Variants in BRIX1 observed in about 807,000 individuals in gnomAD.
BRIX1 encodes the protein ribosome biogenesis protein BRX1 homolog.
Under a neutral mutation model 44.0 loss-of-function variants are expected in BRIX1, and 15 were observed. That is an observed-to-expected ratio of 0.34 (90% CI 0.23 to 0.53). The LOEUF (loss-of-function observed/expected upper bound fraction) is 0.53, where lower values mean the gene tolerates loss of function less well. Among genes scored for constraint, BRIX1 ranks in the 20% least tolerant of loss-of-function variants. The probability of loss-of-function intolerance (pLI) is 0.95; values close to 1 mark genes in which losing one functional copy is unlikely to be tolerated. For missense variants in BRIX1, 420 were observed against 432.8 expected (o/e 0.97, Z 0.26); for synonymous variants, 149 against 135.4 (o/e 1.10, Z -0.70).
At chr5:34,920,706 G>A (rs547824730) in intron 3 of BRIX1, 2 of 152,298 alleles carry the variant, frequency 1.3e-5, no homozygotes, top group South Asian at 4.1e-4. Context: ...GAGCAGAGAC[G>A]TAGTGAAGGA....
In BRIX1 at chr5:34,922,851, T is replaced by A; in HGVS notation, c.510+83T>A. ...AGTAGATATAGTTGTGTTATTCAATTTAGTTTCACCCCCACCTTGGTTTTA... is the reference window on the plus strand; with the variant it reads ...AGTAGATATAGTTGTGTTATTCAATATAGTTTCACCCCCACCTTGGTTTTA... On this transcript the variant is annotated intron_variant, in intron 6 of 9. Coordinates refer to ENST00000336767, the MANE Select transcript of BRIX1 (RefSeq NM_018321.4). 2.9e-6 allele frequency: 4 copies of A among 1,373,992 alleles called. No individual in the cohort carries two copies. In the Admixed American group the frequency reaches 7.2e-5, roughly 25 times the overall value. The allele number at this position is 1,373,992 out of a possible 1,614,324, so 85.1% of individuals were successfully genotyped here. A position where few individuals can be genotyped will look rare whatever the true frequency, so the allele number is the denominator to read the frequency against.
At chr5:34,921,026 A>C (rs1764226314) in intron 3 of BRIX1, 1 of 152,104 alleles carries the variant, frequency 6.6e-6, no homozygotes. Context: ...CAGTATGCCC[A>C]GCTAATTTTT....
chr5:34,922,472 G>A (rs1764262494), intron 4 of BRIX1, 67 bp from the exon 5 acceptor site: 2 of 1,010,896 alleles, frequency 2.0e-6, no homozygotes, highest in East Asian at 2.4e-5. Flanking sequence ...ATTATTTATG[G>A]TGAATAGGTG....
intron 1 of BRIX1, 104 bp downstream of exon 1, chr5:34,916,001 G>A (rs1764071154): frequency 7.5e-7 from 1 of 1,337,008 alleles, no homozygotes; most frequent in Non-Finnish European, 9.9e-7. Context: ...GAGTAGCCCG[G>A]GTGTTAACGG....
Position 34,922,276 on chromosome 5 carries a change from T to A in BRIX1, c.375T>A (p.Asp125Glu). The change falls in exon 4 of 10, where the codon GAT (aspartate) becomes GAA (glutamate). Residue 125 changes from aspartate (D) to glutamate (E), a missense_variant. By Grantham distance (45) the Asp-to-Glu change is conservative (BLOSUM62 2). Transcript: ENST00000336767. The stretch of plus-strand genomic sequence containing the variant: ...ATTTTGAAGCTAAGAAAAAACAGGA[T>A]CTCTATATGTGGTAAGAGAATGTAT... ...CIYFEAKKKQDLYMWLSNSPH... is the reference protein window; with the variant it reads ...CIYFEAKKKQELYMWLSNSPH... 1.9e-6 allele frequency: 3 copies of A among 1,568,500 alleles called. No homozygotes were observed. The highest frequency in any genetic ancestry group is 2.6e-6 in the Non-Finnish European group (3 of 1,143,444).
In BRIX1 at chr5:34,925,348, T is replaced by C; in HGVS notation, c.915T>C (p.Asp305=). Reference sequence around the variant, plus strand: ...TTCTTCCACATGATCCCACTGCAGATGTTTTTGTAACACCAGCTGAGGAGA... The same window carrying C: ...TTCTTCCACATGATCCCACTGCAGACGTTTTTGTAACACCAGCTGAGGAGA... ...KTLLPHDPTA[D]VFVTPAEEKP... Residue 305 remains aspartate, a synonymous_variant, in exon 10 of 10, where the codon GAT becomes GAC. Transcript: ENST00000336767. 6.2e-7 allele frequency: 1 copy of C among 1,614,058 alleles called. No homozygotes were observed. The highest frequency in any genetic ancestry group is 8.5e-7 in the Non-Finnish European group (1 of 1,180,018).
chr5:34,918,282 GCAA>G lies in BRIX1; in HGVS notation c.160-79_160-77del, dbSNP rs1580511202. 2.6e-5 allele frequency: 18 copies of G among 700,532 alleles called. No homozygotes were observed. In the East Asian group the frequency reaches 5.2e-4, roughly 20 times the overall value. 43.4% of individuals were successfully genotyped at this position (700,532 alleles called of 1,614,324 possible). On this transcript the variant is annotated intron_variant, in intron 1 of 9. Transcript: ENST00000336767. ...GTGAGCCGTGAGCACTTCAGCCTGG[GCAA>G]CAGTGTGAGACCCTGTCACAAAACA... is the stretch of plus-strand genomic sequence containing the variant.
chr5:34,915,745 G>A lies in BRIX1; in HGVS notation c.7G>A (p.Ala3Thr). ...GCGCGGGCGGCGAGGCAAGATGGCGGCAACCAAGAGGAAACGGCGTGGAGG... is the reference window on the plus strand; with the variant it reads ...GCGCGGGCGGCGAGGCAAGATGGCGACAACCAAGAGGAAACGGCGTGGAGG... MA[A>T]TKRKRRGGFA... Residue 3 changes from alanine to threonine, a missense_variant, in exon 1 of 10, where the codon GCA becomes ACA. Coordinates refer to ENST00000336767, the MANE Select transcript of BRIX1 (RefSeq NM_018321.4). 3.7e-6 allele frequency: 6 copies of A among 1,600,308 alleles called. No homozygotes were observed. Among genetic ancestry groups the A allele is most frequent in the South Asian group, 2.2e-5 (2 of 89,240 alleles).
chr5:34,916,087 TC>T lies in BRIX1; in HGVS notation c.159+192del. 5.1e-6 allele frequency: 3 copies of T among 590,302 alleles called. No individual in the cohort carries two copies. The South Asian group carries it at 1.1e-4, about 21-fold the overall frequency. The allele number at this position is 590,302 out of a possible 1,614,324, so 36.6% of individuals were successfully genotyped here. On this transcript the variant is annotated intron_variant, in intron 1 of 9. Coordinates refer to ENST00000336767, the MANE Select transcript of BRIX1 (RefSeq NM_018321.4). ...CTAATCCTTGTGCACGTGGCCGTCT[TC>T]CTGGAGGCGGCGGGTTTTAAAACCT... is the stretch of plus-strand genomic sequence containing the variant.
Position 34,921,595 on chromosome 5 carries a change from C to T in BRIX1, c.316-622C>T, listed in dbSNP as rs1383288792. ...TCTATTTTTAGTCTTTGTAGTTTGT[C>T]AATGGGACTATGGGCAGAAGAGGTT... On this transcript the variant is annotated intron_variant, in intron 3 of 9. Coordinates refer to ENST00000336767, the MANE Select transcript of BRIX1 (RefSeq NM_018321.4). 3 of 152,006 alleles carry T rather than the reference C, an allele frequency of 2.0e-5. No homozygotes were observed. In the East Asian group the frequency reaches 5.8e-4, roughly 29 times the overall value. 9.4% of individuals were successfully genotyped at this position (152,006 alleles called of 1,614,324 possible).
At chr5:34,916,270 A>AG (rs1461818161) in intron 1 of BRIX1, 6 of 163,080 alleles carry the variant, frequency 3.7e-5, no homozygotes, top group Non-Finnish European at 8.0e-5. Context: ...GTATGCCCAT[A>AG]TACTGCCATA....
At chr5:34,918,241 G>C in intron 1 of BRIX1, 123 bp from the exon 2 acceptor site, 1 of 529,934 alleles carries the variant, frequency 1.9e-6, no homozygotes, top group Non-Finnish European at 3.4e-6. Flanking sequence ...CTTGAGCCCA[G>C]GAACTTGAAA....
chr5:34,922,233 AC>A lies in BRIX1; in HGVS notation c.333del (p.Cys112ValfsTer41). ...TTCCTTTAGGTTTGTGAAATGAAGA[AC>A]TGTAATAAATGCATCTATTTTGAAG... ...FVINEVCEMK[N>X]CNKCIYFEAK... On this transcript the variant is annotated frameshift_variant, in exon 4 of 10. Coordinates refer to ENST00000336767, the MANE Select transcript of BRIX1 (RefSeq NM_018321.4). LOFTEE classifies it high-confidence loss of function. 1 of 1,580,856 alleles carries A rather than the reference AC, an allele frequency of 6.3e-7. No homozygotes were observed.
rs1186083244 is a variant in BRIX1 at position 34,923,014 on chromosome 5, TACC to T, written c.527_529del (p.Pro176del). The T allele has an allele frequency of 7.8e-6, 12 of 1,535,916 alleles. No individual in the cohort carries two copies. The highest frequency in any genetic ancestry group is 2.3e-5 in the South Asian group (2 of 88,660). The stretch of plus-strand genomic sequence containing the variant: ...TTATTTTTATAGGCTTTTGATGAAT[TACC>T]ACATTATGCTTTGTTAAAAGAACTC... On this transcript the variant is annotated inframe_deletion, in exon 7 of 10. Coordinates refer to ENST00000336767, the MANE Select transcript of BRIX1 (RefSeq NM_018321.4).
At chr5:34,920,142 T>C in intron 3 of BRIX1, 1 of 260,750 alleles carries the variant, frequency 3.8e-6, no homozygotes, top group South Asian at 7.0e-5. Flanking sequence ...AACCCTGTAG[T>C]GTCTAGTATT....
chr5:34,921,162 C>T (rs937141109), intron 3 of BRIX1: 1 of 152,142 alleles, frequency 6.6e-6, no homozygotes, highest in African/African-American at 2.4e-5. Flanking sequence ...GGTTTAAAGT[C>T]TTAAATAATG....
chr5:34,918,140 C>CAAAAA (rs1184236238), intron 1 of BRIX1: 47 of 103,426 alleles, frequency 4.5e-4, no homozygotes, highest in South Asian at 9.9e-4. Flanking sequence ...CCCATCTCTA[C>CAAAAA]AAAAAAAAAA....
At chr5:34,922,814 A>C in intron 6 of BRIX1, 46 bp downstream of exon 6, 2 of 1,548,972 alleles carry the variant, frequency 1.3e-6, no homozygotes, top group African/African-American at 2.7e-5. Flanking sequence ...CTTATCTGGC[A>C]TGGTTGTTTT....
chr5:34,923,580 AT>A (rs201378064), intron 8 of BRIX1, among the ~76,000 whole-genome samples: 29 of 147,424 alleles, frequency 2.0e-4, no homozygotes, highest in Admixed American at 4.1e-4. Context: ...ACCCGGCCTA[AT>A]TTTTTTTTTT....
Sources: gnomAD v4.1 joint callset for allele counts (sites outside exome capture counted in the v4.1 genomes callset) on GRCh38, gnomAD v4.1.1 for gene constraint, MANE v1.5 for transcripts, NCBI Gene and HGNC (gene_info 2026-07-23, HGNC 2026-07-21) for gene names.